AMPD3: variants seen among roughly 807,000 people sequenced by gnomAD.
The protein encoded by AMPD3 is AMP deaminase 3.
Under a neutral mutation model 82.3 loss-of-function variants are expected in AMPD3, and 57 were observed. The ratio of observed to expected loss-of-function variants is 0.69; its 90% confidence interval spans 0.56 to 0.86. The LOEUF (loss-of-function observed/expected upper bound fraction) is 0.86, where lower values mean the gene tolerates loss of function less well. AMPD3 is among the 40% of genes least tolerant of loss of function. The pLI is 0.00. For missense variants in AMPD3, 870 were observed against 1,003.8 expected (o/e 0.87, Z 1.80); for synonymous variants, 381 against 394.7 (o/e 0.97, Z 0.41).
Position 10,478,361 on chromosome 11 carries a change from T to C in AMPD3, c.222-165T>C, listed in dbSNP as rs1264508696. The C allele has an allele frequency of 1.1e-5, 11 of 983,080 alleles. No individual in the cohort carries two copies. The South Asian group carries it at 2.8e-4, about 25-fold the overall frequency. 60.9% of individuals were successfully genotyped at this position (983,080 alleles called of 1,614,324 possible). On this transcript the variant is annotated intron_variant, in intron 2 of 14. Coordinates refer to ENST00000396553, the MANE Select transcript of AMPD3 (RefSeq NM_001025389.2). Reference sequence around the variant, plus strand: ...GGCCGTGTTCTATCTCAGGCAGACATGTGTAAGAGGAAGGCATGAATAATT... The same window carrying C: ...GGCCGTGTTCTATCTCAGGCAGACACGTGTAAGAGGAAGGCATGAATAATT...
chr11:10,496,296 T>C, intron 9 of AMPD3: 1 of 985,388 alleles, frequency 1.0e-6, no homozygotes, highest in Non-Finnish European at 1.2e-6. Context: ...CTTCTCATTG[T>C]GGGTTGAGGA....
intron 2 of AMPD3, among the ~76,000 whole-genome samples, chr11:10,469,517 CA>C (rs1848521336): frequency 6.6e-6 from 1 of 151,960 alleles, no homozygotes; most frequent in South Asian, 2.1e-4. Flanking sequence ...GCCTACCAAC[CA>C]AAAAAAGCCC....
chr11:10,503,174 T>C (rs1849625477), intron 13 of AMPD3, among the ~76,000 whole-genome samples: 1 of 152,254 alleles, frequency 6.6e-6, no homozygotes, highest in African/African-American at 2.4e-5. Flanking sequence ...GGTAAAGTTA[T>C]TAGATTTCTG....
chr11:10,505,613 T>G, intron 14 of AMPD3, 95 bp from the exon 15 acceptor site: 13 of 1,556,956 alleles, frequency 8.3e-6, no homozygotes, highest in Non-Finnish European at 1.1e-5. Context: ...GGGGGACTAG[T>G]CTGACTTGCT....
intron 6 of AMPD3, 92 bp from the exon 7 acceptor site, chr11:10,493,257 T>C: frequency 6.8e-7 from 1 of 1,465,194 alleles, no homozygotes; most frequent in Non-Finnish European, 9.5e-7. Flanking sequence ...CATGAGGTGC[T>C]GGGGTTCTGT....
chr11:10,463,150 T>C (rs1195091117), intron 2 of AMPD3, among the ~76,000 whole-genome samples: 1 of 152,224 alleles, frequency 6.6e-6, no homozygotes, highest in Non-Finnish European at 1.5e-5. Flanking sequence ...CGACCTAGTC[T>C]GTGATCACAC....
Position 10,456,650 on chromosome 11 carries a change from A to G in AMPD3, c.-6+1202A>G, listed in dbSNP as rs1848103027. The G allele has an allele frequency of 1.0e-6, 1 of 978,114 alleles. No individual in the cohort carries two copies. Among genetic ancestry groups the G allele is most frequent in the Non-Finnish European group, 1.2e-6 (1 of 823,380 alleles). 60.6% of individuals were successfully genotyped at this position (978,114 alleles called of 1,614,324 possible). ...TATCATTGGCTGACTGATGCTGGTG[A>G]ATTCACAGCTAAGCCTCCCAAGCCT... is the stretch of plus-strand genomic sequence containing the variant. On this transcript the variant is annotated intron_variant, in intron 1 of 14. Transcript: ENST00000396553. This position sits in a 1 kb window ranked among gnomAD's most constrained non-coding sequence, Gnocchi z 4.3.
At chr11:10,450,895 C>T (rs1322402492), upstream of AMPD3, 9 of 1,234,506 alleles carry the variant, frequency 7.3e-6, no homozygotes, top group Non-Finnish European at 9.1e-6. Context: ...GGCCCCCGCG[C>T]CTGCTGCGGG....
chr11:10,488,383 C>T, intron 6 of AMPD3: 1 of 985,296 alleles, frequency 1.0e-6, no homozygotes. Context: ...GCTTGCCAGG[C>T]AGAGGGTGTG....
chr11:10,450,989 C>T, upstream of AMPD3: 2 of 1,568,508 alleles, frequency 1.3e-6, no homozygotes, highest in South Asian at 1.2e-5. Flanking sequence ...CCCCTTTGCT[C>T]CAGCCCTGCG....
intron 8 of AMPD3, 199 bp from the exon 9 acceptor site, chr11:10,495,371 G>A: frequency 6.1e-6 from 6 of 985,420 alleles, no homozygotes; most frequent in South Asian, 4.7e-5. Flanking sequence ...CAGACCCAAG[G>A]CCTTCCTCAC....
intron 6 of AMPD3, among the ~76,000 whole-genome samples, chr11:10,492,463 CT>C (rs1201734466): frequency 2.0e-5 from 3 of 152,168 alleles, no homozygotes; most frequent in African/African-American, 7.2e-5. Context: ...TTCATTCCCA[CT>C]TGGAGGTTTG....
chr11:10,487,060 C>G (rs983993868), intron 5 of AMPD3, 175 bp from the exon 6 acceptor site: 2 of 969,834 alleles, frequency 2.1e-6, no homozygotes, highest in African/African-American at 3.5e-5. Context: ...TTTATAGAGT[C>G]TGTGGATATG....
intron 6 of AMPD3, chr11:10,490,745 C>A: frequency 1.4e-6 from 1 of 729,192 alleles, no homozygotes; most frequent in Non-Finnish European, 1.7e-6. Context: ...AGGACAGGAC[C>A]AGAAAGCCCA....
At chr11:10,486,970 A>G in intron 5 of AMPD3, 2 of 985,408 alleles carry the variant, frequency 2.0e-6, no homozygotes, top group Non-Finnish European at 2.4e-6. Flanking sequence ...TTCCCTAAAC[A>G]CATAAACAAG....
At chr11:10,491,371 A>T (rs1849235907) in intron 6 of AMPD3, among the ~76,000 whole-genome samples, 1 of 152,058 alleles carries the variant, frequency 6.6e-6, no homozygotes, top group Non-Finnish European at 1.5e-5. Context: ...CAGACTGGGG[A>T]TGAGGGGTTG....
chr11:10,480,480 A>C (rs1485941092), intron 3 of AMPD3, among the ~76,000 whole-genome samples: 1 of 152,216 alleles, frequency 6.6e-6, no homozygotes, highest in Non-Finnish European at 1.5e-5. Flanking sequence ...GGAAAGGAGA[A>C]TCTACCATCG....
chr11:10,462,724 G>A (rs1053736258), intron 2 of AMPD3, among the ~76,000 whole-genome samples: 1 of 152,136 alleles, frequency 6.6e-6, no homozygotes, highest in Non-Finnish European at 1.5e-5. Context: ...TGGGGTTAGG[G>A]GAGAGAAAGG....
At chr11:10,450,951 C>A, upstream of AMPD3, 1 of 1,456,898 alleles carries the variant, frequency 6.9e-7, no homozygotes, top group Non-Finnish European at 9.0e-7. Context: ...CAGTGCCCAG[C>A]AGCCCCGCTC....
Sources: allele counts gnomAD v4.1 joint callset (sites outside exome capture counted in the v4.1 genomes callset), GRCh38; gene constraint gnomAD v4.1.1; non-coding constraint Gnocchi (gnomAD v3.1); transcripts MANE v1.5; gene names NCBI Gene and HGNC (gene_info 2026-07-23, HGNC 2026-07-21).